CDH12: variants seen among roughly 807,000 people sequenced by gnomAD.
CDH12 encodes the protein cadherin 12.
CDH12 carries 41 observed loss-of-function variants against 74.1 expected under a neutral mutation model. The observed-to-expected ratio is 0.55, with a 90% CI of 0.43 to 0.72. CDH12 has a LOEUF of 0.72. Ranked by LOEUF, CDH12 falls within the 30% of genes least tolerant of loss-of-function variation. CDH12 has a pLI of 0.00. For synonymous variants in CDH12, 399 were observed against 355.0 expected (o/e 1.12, Z -1.39); for missense variants, 945 against 977.2 (o/e 0.97, Z 0.44).
intron 6 of CDH12, among the ~76,000 whole-genome samples, chr5:21,937,098 A>T (rs1291021050): frequency 6.6e-6 from 1 of 152,206 alleles, no homozygotes; most frequent in African/African-American, 2.4e-5. Flanking sequence ...GAATCATTTT[A>T]TCAAAGGAAA....
rs183499358 is a variant in CDH12 at position 22,783,857 on chromosome 5, A to G, written c.-523+69201T>C. ...GGAGTAAGCAAGATATGTGCCCACA[A>G]TGAGACCTGAATCATTTTATTATTT... On this transcript the variant is annotated intron_variant, in intron 1 of 14. Transcript: ENST00000382254. Among the ~76,000 whole-genome samples, 23 of 152,264 alleles carry G rather than the reference A, an allele frequency of 1.5e-4. No homozygotes were observed. The East Asian group carries it at 4.1e-3, about 27-fold the overall frequency.
chr5:21,975,346 A>G lies in CDH12; in HGVS notation c.271T>C (p.Tyr91His). 1 of 1,597,114 alleles carries G rather than the reference A, an allele frequency of 6.3e-7. No homozygotes were observed. Among genetic ancestry groups the G allele is most frequent in the Non-Finnish European group, 8.5e-7 (1 of 1,179,550 alleles). Reference protein sequence around the residue: ...DLDKGEGTVKYTLSGDGAGTV... With the variant: ...DLDKGEGTVKHTLSGDGAGTV... ...CCAGCGCCATCTCCTGAGAGGGTGT[A>G]TTTCACAGTGCCCTCTCCCTTGTCT... The change falls in exon 6 of 15, where the codon TAC (tyrosine) becomes CAC (histidine). Residue 91 changes from tyrosine to histidine, a missense_variant. Around this residue, in one of 3 missense-constraint regions of CDH12, gnomAD observed 148 missense variants for 162.8 expected, o/e 0.91. Coordinates refer to ENST00000382254, the MANE Select transcript of CDH12 (RefSeq NM_004061.5).
At chr5:22,653,319 C>T (rs1739837872) in intron 1 of CDH12, among the ~76,000 whole-genome samples, 1 of 152,120 alleles carries the variant, frequency 6.6e-6, no homozygotes, top group Admixed American at 6.5e-5. Context: ...GTCATTTCTC[C>T]TTTTAACATC....
intron 4 of CDH12, among the ~76,000 whole-genome samples, chr5:22,094,734 T>C (rs1743641781): frequency 6.6e-6 from 1 of 152,146 alleles, no homozygotes; most frequent in South Asian, 2.1e-4. Context: ...TAAGCCATCA[T>C]ATCCCCTGTG....
At chr5:22,753,646 A>G (rs1030720327) in intron 1 of CDH12, among the ~76,000 whole-genome samples, 2 of 151,062 alleles carry the variant, frequency 1.3e-5, no homozygotes, top group Non-Finnish European at 2.9e-5. Context: ...CTCAGTTGGA[A>G]GCATATTGCA....
intron 3 of CDH12, among the ~76,000 whole-genome samples, chr5:22,387,279 T>A (rs574001705): frequency 4.0e-3 from 603 of 152,064 alleles, no homozygotes; most frequent in South Asian, 8.3e-3. Context: ...TTAAAAAAAA[T>A]TTTTAAATTT....
At chr5:22,151,605 A>G (rs1747590162) in intron 4 of CDH12, among the ~76,000 whole-genome samples, 1 of 152,192 alleles carries the variant, frequency 6.6e-6, no homozygotes, top group Non-Finnish European at 1.5e-5. Flanking sequence ...TCACAAATCA[A>G]GAGCATGTTA....
chr5:22,440,234 A>G (rs1744570256), intron 2 of CDH12, among the ~76,000 whole-genome samples: 1 of 152,152 alleles, frequency 6.6e-6, no homozygotes, highest in South Asian at 2.1e-4. Context: ...GATGGTTCAA[A>G]TAGTAGAAAA....
intron 11 of CDH12, among the ~76,000 whole-genome samples, chr5:21,779,059 C>A (rs959906170): frequency 2.0e-4 from 30 of 151,306 alleles, no homozygotes; most frequent in Admixed American, 1.4e-3. Context: ...TTAACTTATT[C>A]CACAATAAAT....
intron 9 of CDH12, among the ~76,000 whole-genome samples, chr5:21,809,841 A>G (rs150179692): frequency 1.5e-4 from 23 of 152,262 alleles, no homozygotes; most frequent in African/African-American, 3.6e-4. Context: ...TGTATTTTCA[A>G]TATGAGAACC....
intron 3 of CDH12, among the ~76,000 whole-genome samples, chr5:22,346,327 A>T (rs563751974): frequency 2.6e-5 from 4 of 152,264 alleles, no homozygotes; most frequent in Admixed American, 6.5e-5. Context: ...TATTTTTAGC[A>T]TTATTTACAT....
At chr5:21,964,371 C>T (rs2150112672) in intron 6 of CDH12, among the ~76,000 whole-genome samples, 1 of 152,152 alleles carries the variant, frequency 6.6e-6, no homozygotes, top group East Asian at 1.9e-4. Context: ...CTTTCCTAAA[C>T]ACTTCCCCAT....
intron 1 of CDH12, among the ~76,000 whole-genome samples, chr5:22,833,683 T>A (rs1163440181): frequency 6.6e-6 from 1 of 152,208 alleles, no homozygotes; most frequent in African/African-American, 2.4e-5. Context: ...TCTGTCGGAA[T>A]ATATTCTTTT....
intron 1 of CDH12, among the ~76,000 whole-genome samples, chr5:22,516,414 A>G (rs400446): frequency 0.049 from 7,447 of 152,214 alleles, 297 homozygotes; most frequent in East Asian, 0.16. Flanking sequence ...TTTATTTTTC[A>G]TTTTTATTAA....
At chr5:22,647,370 C>T (rs1739496723) in intron 1 of CDH12, among the ~76,000 whole-genome samples, 1 of 151,646 alleles carries the variant, frequency 6.6e-6, no homozygotes, top group East Asian at 1.9e-4. Flanking sequence ...ATTTTATTCT[C>T]TATATATTAT....
At chr5:22,096,317 G>A (rs898769117) in intron 4 of CDH12, among the ~76,000 whole-genome samples, 2 of 152,096 alleles carry the variant, frequency 1.3e-5, no homozygotes, top group Non-Finnish European at 2.9e-5. Context: ...AACGGTCTGA[G>A]GTGCCTGATG....
chr5:22,346,543 G>C (rs571246959), intron 3 of CDH12, among the ~76,000 whole-genome samples: 1 of 152,276 alleles, frequency 6.6e-6, no homozygotes, highest in South Asian at 2.1e-4. Context: ...ACAAGTGATA[G>C]ATTATATAAT....
chr5:22,463,835 C>G (rs1745619162), intron 2 of CDH12, among the ~76,000 whole-genome samples: 1 of 151,588 alleles, frequency 6.6e-6, no homozygotes, highest in African/African-American at 2.4e-5. Flanking sequence ...TTTTAAAAAC[C>G]CTATTCAGAA....
At chr5:22,817,433 GA>G (rs1451407606) in intron 1 of CDH12, among the ~76,000 whole-genome samples, 1 of 151,984 alleles carries the variant, frequency 6.6e-6, no homozygotes, top group Admixed American at 6.6e-5. Flanking sequence ...TAAATTACAT[GA>G]AAAGGTAATT....
Sources: allele counts gnomAD v4.1 joint callset (sites outside exome capture counted in the v4.1 genomes callset), GRCh38; gene constraint gnomAD v4.1.1; regional missense constraint gnomAD v4.1.1; transcripts MANE v1.5; gene names NCBI Gene and HGNC (gene_info 2026-07-23, HGNC 2026-07-21).